SLC4A10: variants seen among roughly 807,000 people sequenced by gnomAD.
SLC4A10 encodes sodium-driven chloride bicarbonate exchanger.
In SLC4A10, 42 loss-of-function variants were observed where a neutral mutation model predicts 137.7. That is an observed-to-expected ratio of 0.30 (90% CI 0.24 to 0.39). SLC4A10 has a LOEUF of 0.39. Among genes scored for constraint, SLC4A10 ranks in the 10% least tolerant of loss-of-function variants. The pLI, the probability that SLC4A10 is intolerant of heterozygous loss-of-function variation, is 1.00. For synonymous variants in SLC4A10, 474 were observed against 464.1 expected (o/e 1.02, Z -0.27); for missense variants, 925 against 1,355.0 (o/e 0.68, Z 4.98).
intron 15 of SLC4A10, among the ~76,000 whole-genome samples, chr2:161,939,957 G>A (rs893805374): frequency 1.3e-5 from 2 of 152,054 alleles, no homozygotes; most frequent in Non-Finnish European, 2.9e-5. Flanking sequence ...TACAAATAAT[G>A]TTATGAGTAT....
At position 161,701,850 on chromosome 2, in the gene SLC4A10, G is replaced by A. The variant is rs1490102253; in HGVS notation, c.49-69123G>A. Among the ~76,000 whole-genome samples, 8 of 151,452 alleles carry A rather than the reference G, an allele frequency of 5.3e-5. No homozygotes were observed. In the East Asian group the frequency reaches 9.6e-4, roughly 18 times the overall value. ...GAGATATGCAAATCAAAACCACAAC[G>A]AGATACCATTTCACCTCAGTTAAAC... On this transcript the variant is annotated intron_variant, in intron 1 of 26. Coordinates refer to ENST00000446997, the MANE Select transcript of SLC4A10 (RefSeq NM_001178015.2).
intron 2 of SLC4A10, among the ~76,000 whole-genome samples, chr2:161,790,844 A>C (rs1056604657): frequency 6.6e-6 from 1 of 152,174 alleles, no homozygotes. Flanking sequence ...GAAGACATAC[A>C]TGCGGCTGAC....
chr2:161,760,409 C>CT (rs1199246287), intron 1 of SLC4A10, among the ~76,000 whole-genome samples: 3 of 151,894 alleles, frequency 2.0e-5, no homozygotes, highest in Non-Finnish European at 2.9e-5. Flanking sequence ...CAAAGTTCTA[C>CT]TTTTTTACAT....
intron 26 of SLC4A10, 142 bp from the exon 27 acceptor site, chr2:161,983,035 ATC>A (rs1700430818): frequency 1.6e-6 from 1 of 645,100 alleles, no homozygotes; most frequent in Non-Finnish European, 2.6e-6. Context: ...GTTGCTGTCT[ATC>A]TGTGCTTCGC....
At chr2:161,666,854 C>T (rs982490855) in intron 1 of SLC4A10, among the ~76,000 whole-genome samples, 1 of 34,580 alleles carries the variant, frequency 2.9e-5, no homozygotes, top group African/African-American at 5.3e-5. Context: ...TTTTAAAATG[C>T]CATGAACCAT....
rs62187751 is a variant in SLC4A10 at position 161,850,953 on chromosome 2, G to C, written c.417-4017G>C. Among the ~76,000 whole-genome samples, 1,279 of 152,114 alleles carry C rather than the reference G, an allele frequency of 8.4e-3. 8 individuals carry two copies. Among genetic ancestry groups the C allele is most frequent in the Non-Finnish European group, 0.015 (1,012 of 67,964 alleles). ...TTCAAGGAATTTCTCGGTTTCTACA[G>C]TTACTTCATTGTTTACCCAAATCAT... On this transcript the variant is annotated intron_variant, in intron 4 of 26. Transcript: ENST00000446997.
intron 1 of SLC4A10, among the ~76,000 whole-genome samples, chr2:161,735,129 T>A (rs1203258744): frequency 1.3e-5 from 2 of 149,070 alleles, no homozygotes; most frequent in Non-Finnish European, 3.0e-5. Flanking sequence ...TATAGTAGTA[T>A]GAAAAAATAT....
intron 1 of SLC4A10, among the ~76,000 whole-genome samples, chr2:161,673,558 A>T (rs895751509): frequency 1.1e-4 from 16 of 152,238 alleles, no homozygotes; most frequent in African/African-American, 3.9e-4. Context: ...TGACAAACAG[A>T]TTAAATAAAC....
intron 2 of SLC4A10, among the ~76,000 whole-genome samples, chr2:161,775,973 T>G (rs2052276454): frequency 1.3e-5 from 2 of 151,862 alleles, no homozygotes; most frequent in Non-Finnish European, 2.9e-5. Context: ...CAATTACCAA[T>G]CAAGGAGATA....
chr2:161,730,787 CA>C (rs2046744147), intron 1 of SLC4A10, among the ~76,000 whole-genome samples: 1 of 152,214 alleles, frequency 6.6e-6, no homozygotes, highest in Non-Finnish European at 1.5e-5. Context: ...CATCTCAAGG[CA>C]AATTTTGTTT....
chr2:161,796,260 A>G (rs2054759648), intron 2 of SLC4A10, among the ~76,000 whole-genome samples: 3 of 152,174 alleles, frequency 2.0e-5, no homozygotes, highest in East Asian at 1.9e-4. Flanking sequence ...CATTTTATTT[A>G]GGTCATAATT....
At chr2:161,945,099 A>C (rs192295488) in intron 16 of SLC4A10, among the ~76,000 whole-genome samples, 3 of 148,866 alleles carry the variant, frequency 2.0e-5, no homozygotes, top group African/African-American at 7.4e-5. Context: ...ATTTGATAGA[A>C]GTACTTAATG....
At chr2:161,920,464 A>G (rs1687921398) in intron 15 of SLC4A10, among the ~76,000 whole-genome samples, 2 of 152,252 alleles carry the variant, frequency 1.3e-5, no homozygotes, top group Admixed American at 1.3e-4. Flanking sequence ...TTGTATTAAT[A>G]CCAAACTTAT....
chr2:161,830,732 G>C (rs1031644094), intron 3 of SLC4A10, among the ~76,000 whole-genome samples: 4 of 152,004 alleles, frequency 2.6e-5, no homozygotes, highest in African/African-American at 9.7e-5. Flanking sequence ...TTAAACCTTT[G>C]ATATTTACTG....
intron 3 of SLC4A10, among the ~76,000 whole-genome samples, chr2:161,816,960 G>A (rs948396018): frequency 2.0e-5 from 3 of 152,000 alleles, no homozygotes; most frequent in South Asian, 4.1e-4. Context: ...GTGTCTTTAT[G>A]GCAGCATGAT....
At chr2:161,857,399 A>C (rs892859767) in intron 5 of SLC4A10, among the ~76,000 whole-genome samples, 5 of 151,966 alleles carry the variant, frequency 3.3e-5, no homozygotes, top group African/African-American at 1.2e-4. Context: ...TCAGTGTAGA[A>C]CAGCCTGTAA....
At chr2:161,893,566 G>A (rs2063138481) in intron 10 of SLC4A10, among the ~76,000 whole-genome samples, 1 of 151,850 alleles carries the variant, frequency 6.6e-6, no homozygotes, top group Non-Finnish European at 1.5e-5. Flanking sequence ...AGGTTTTGTG[G>A]TACACACCTG....
At chr2:161,649,958 A>G (rs890368548) in intron 1 of SLC4A10, among the ~76,000 whole-genome samples, 2 of 152,162 alleles carry the variant, frequency 1.3e-5, no homozygotes, top group Non-Finnish European at 2.9e-5. Flanking sequence ...AATTTCCTCT[A>G]CTATTAATGT....
intron 4 of SLC4A10, among the ~76,000 whole-genome samples, chr2:161,847,150 G>A (rs1282348451): frequency 1.1e-4 from 16 of 151,910 alleles, no homozygotes; most frequent in Non-Finnish European, 4.4e-5. Context: ...GGCTGAGGTG[G>A]AAGGATCATC....
Sources: gnomAD v4.1 joint callset for allele counts (sites outside exome capture counted in the v4.1 genomes callset) on GRCh38, gnomAD v4.1.1 for gene constraint, MANE v1.5 for transcripts, NCBI Gene and HGNC (gene_info 2026-07-23, HGNC 2026-07-21) for gene names.